Variants in DNAH2 observed in about 807,000 individuals in gnomAD.
DNAH2 encodes the protein axonemal beta dynein heavy chain 2.
DNAH2 carries 323 observed loss-of-function variants against 523.5 expected under a neutral mutation model. The observed-to-expected ratio is 0.62, with a 90% CI of 0.56 to 0.68. The LOEUF (loss-of-function observed/expected upper bound fraction) is 0.68, where lower values mean the gene tolerates loss of function less well. Ranked by LOEUF, DNAH2 falls within the 30% of genes least tolerant of loss-of-function variation. The pLI is 0.00. For missense variants in DNAH2, 4,907 were observed against 5,701.5 expected (o/e 0.86, Z 4.49); for synonymous variants, 2,093 against 2,177.4 (o/e 0.96, Z 1.08).
chr17:7,827,951 T>C (rs1433252632), intron 77 of DNAH2, among the ~76,000 whole-genome samples: 1 of 151,992 alleles, frequency 6.6e-6, no homozygotes, highest in Non-Finnish European at 1.5e-5. Context: ...GTTTGTTTGT[T>C]TGGGATGGAG....
chr17:7,816,844 T>C lies in DNAH2; in HGVS notation c.9894+109T>C, dbSNP rs1485516202. The C allele has an allele frequency of 2.9e-6, 4 of 1,390,156 alleles. No homozygotes were observed. The Admixed American group carries it at 9.8e-5, about 34-fold the overall frequency. The allele number at this position is 1,390,156 out of a possible 1,614,324, so 86.1% of individuals were successfully genotyped here. A position where few individuals can be genotyped will look rare whatever the true frequency, so the allele number is the denominator to read the frequency against. ...CAGGGAAAACGGGGACACCTGGGTA[T>C]AGGGAACTCTAAGAACTGAGGCGTG... On this transcript the variant is annotated intron_variant, in intron 64 of 85. Coordinates refer to ENST00000572933, the MANE Select transcript of DNAH2 (RefSeq NM_020877.5).
chr17:7,792,469 T>G, intron 46 of DNAH2, 126 bp downstream of exon 46: 1 of 1,120,202 alleles, frequency 8.9e-7, no homozygotes, highest in South Asian at 1.3e-5. Context: ...AGAGAAGGGC[T>G]GCCTCTTGAG....
At chr17:7,735,843 C>T (rs2075127035) in intron 7 of DNAH2, among the ~76,000 whole-genome samples, 1 of 152,082 alleles carries the variant, frequency 6.6e-6, no homozygotes, top group Admixed American at 6.6e-5. Context: ...ACCTCTGCCT[C>T]CTGGGTTCAA....
Position 7,796,604 on chromosome 17 carries a change from C to T in DNAH2, c.7815C>T (p.Pro2605=). 6.2e-7 allele frequency: 1 copy of T among 1,613,160 alleles called. No homozygotes were observed. The highest frequency in any genetic ancestry group is 1.1e-5 in the South Asian group (1 of 91,016). The change falls in exon 50 of 86, where the codon CCC becomes CCT. Residue 2605 remains proline (P), a synonymous_variant. Transcript: ENST00000572933. ...ACACCGTGGTACAGCGCTTCCTGCC[C>T]ACGCCCACCAAGATGCATTACCTCT... ...MYNTVVQRFL[P]TPTKMHYLFN... is the part of the protein sequence containing the mutation.
Position 7,760,480 on chromosome 17 carries a change from A to T in DNAH2, c.2786-260A>T, listed in dbSNP as rs1308200079. Reference sequence around the variant, plus strand: ...GATTTGGGATGGGAGATGAGGAAAGACAAGCTTGGGACTGGGACTGGGACT... The same window carrying T: ...GATTTGGGATGGGAGATGAGGAAAGTCAAGCTTGGGACTGGGACTGGGACT... On this transcript the variant is annotated intron_variant, in intron 17 of 85. Coordinates refer to ENST00000572933, the MANE Select transcript of DNAH2 (RefSeq NM_020877.5). The surrounding 1 kb of genome is among the most constrained non-coding windows in gnomAD (Gnocchi z 4.0). Among the ~76,000 whole-genome samples, 2 of 152,108 alleles carry T rather than the reference A, an allele frequency of 1.3e-5. No homozygotes were observed. The highest frequency in any genetic ancestry group is 2.9e-5 in the Non-Finnish European group (2 of 68,024).
chr17:7,771,547 A>C, intron 28 of DNAH2, 79 bp downstream of exon 28: 2 of 1,500,032 alleles, frequency 1.3e-6, no homozygotes, highest in South Asian at 2.4e-5. Flanking sequence ...TTCATTTATT[A>C]AAAAGACTGA....
Position 7,828,026 on chromosome 17 carries a change from C to T in DNAH2, c.11854-2274C>T, listed in dbSNP as rs1214494973. On this transcript the variant is annotated intron_variant, in intron 77 of 85. Transcript: ENST00000572933. The surrounding 1 kb of genome is among the most constrained non-coding windows in gnomAD (Gnocchi z 4.1). ...CTTGGCTCACTGCAACCTCTGCCTCCCAGGCTCTAGCAATCTTTCCACCTG... is the reference window on the plus strand; with the variant it reads ...CTTGGCTCACTGCAACCTCTGCCTCTCAGGCTCTAGCAATCTTTCCACCTG... Among the ~76,000 whole-genome samples, 1 of 152,058 alleles carries T rather than the reference C, an allele frequency of 6.6e-6. No homozygotes were observed. The highest frequency in any genetic ancestry group is 1.9e-4 in the East Asian group (1 of 5,190).
rs1262113029 is a variant in DNAH2 at position 7,821,503 on chromosome 17, A to T, written c.11142+134A>T. The T allele has an allele frequency of 9.3e-6, 12 of 1,289,466 alleles. No individual in the cohort carries two copies. The highest frequency in any genetic ancestry group is 1.1e-5 in the Non-Finnish European group (11 of 961,438). The allele number at this position is 1,289,466 out of a possible 1,614,324, so 79.9% of individuals were successfully genotyped here. A position where few individuals can be genotyped will look rare whatever the true frequency, so the allele number is the denominator to read the frequency against. ...GTGAGCTGAGAAAATCCAGGCCAGC[A>T]TCAGGTGCATGGTGAGCTCCCTGGG... On this transcript the variant is annotated intron_variant, in intron 73 of 85. Transcript: ENST00000572933. The surrounding 1 kb of genome is among the most constrained non-coding windows in gnomAD (Gnocchi z 5.0).
At chr17:7,740,363 T>C (rs2075274461) in intron 9 of DNAH2, 57 bp from the exon 10 acceptor site, 1 of 1,602,652 alleles carries the variant, frequency 6.2e-7, no homozygotes, top group Non-Finnish European at 8.5e-7. Context: ...TCCTCAGGGG[T>C]TGGAGTTGGG....
rs924371389 is a variant in DNAH2 at position 7,807,874 on chromosome 17, G to T, written c.9729+288G>T. ...ATCTCTGTCACACCCTTCGGAGATG[G>T]CGCCTGAGATATTAACTGATGACAT... On this transcript the variant is annotated intron_variant, in intron 63 of 85. Transcript: ENST00000572933. This position sits in a 1 kb window ranked among gnomAD's most constrained non-coding sequence, Gnocchi z 5.6. Among the ~76,000 whole-genome samples the T allele has an allele frequency of 1.6e-4, 24 of 152,214 alleles. No individual in the cohort carries two copies. The highest frequency in any genetic ancestry group is 5.1e-4 in the African/African-American group (21 of 41,442).
chr17:7,817,492 T>C lies in DNAH2; in HGVS notation c.10021-69T>C. 3 of 1,613,440 alleles carry C rather than the reference T, an allele frequency of 1.9e-6. No homozygotes were observed. In the Admixed American group the frequency reaches 5.0e-5, roughly 27 times the overall value. On this transcript the variant is annotated intron_variant, in intron 65 of 85. Transcript: ENST00000572933. ...CAGGACCTTTGGGAATATTAAGAGA[T>C]ACCGTGAAGGCGCGGGGGCTGCTGG... is the stretch of plus-strand genomic sequence containing the variant.
At chr17:7,777,676 G>T (rs1216382782) in intron 33 of DNAH2, 42 bp downstream of exon 33, 1 of 1,608,032 alleles carries the variant, frequency 6.2e-7, no homozygotes, top group Admixed American at 1.7e-5. Flanking sequence ...CCGTAAAATG[G>T]ATCCTAATGC....
chr17:7,815,507 C>T (rs950659933), intron 63 of DNAH2, among the ~76,000 whole-genome samples: 5 of 152,114 alleles, frequency 3.3e-5, no homozygotes, highest in African/African-American at 1.2e-4. Context: ...GGATCACACA[C>T]ACATATACAG....
In DNAH2 at chr17:7,794,431, G is replaced by A; in HGVS notation, c.7674+73G>A. 9 of 1,392,976 alleles carry A rather than the reference G, an allele frequency of 6.5e-6. 1 individual carries two copies. The South Asian group carries it at 8.0e-5, about 12-fold the overall frequency. 86.3% of individuals were successfully genotyped at this position (1,392,976 alleles called of 1,614,324 possible). A position where few individuals can be genotyped will look rare whatever the true frequency, so the allele number is the denominator to read the frequency against. Reference sequence around the variant, plus strand: ...AACGTGTCTGTCTCAGAGAAGCAGGGGCCAGATCCCAGGGGGCTGCGGCAC... The same window carrying A: ...AACGTGTCTGTCTCAGAGAAGCAGGAGCCAGATCCCAGGGGGCTGCGGCAC... On this transcript the variant is annotated intron_variant, in intron 49 of 85. Transcript: ENST00000572933.
In DNAH2 at chr17:7,833,425, C is replaced by A; in HGVS notation, c.13176C>A (p.Ser4392Arg). 1 of 1,614,192 alleles carries A rather than the reference C, an allele frequency of 6.2e-7. No individual in the cohort carries two copies. Among genetic ancestry groups the A allele is most frequent in the Non-Finnish European group, 8.5e-7 (1 of 1,180,038 alleles). The change falls in exon 86 of 86, where the codon AGC becomes AGA. Residue 4392 changes from serine (S) to arginine (R), a missense_variant. Physicochemically the swap from Ser to Arg is moderately radical, Grantham distance 110. Coordinates refer to ENST00000572933, the MANE Select transcript of DNAH2 (RefSeq NM_020877.5). ...ATTACTATCCCAACCGGGCAGGCAG[C>A]TCAGACCGAGCCTCCTTTGTCATCG... Reference protein sequence around the residue: ...PCYYYPNRAGSSDRASFVIGI... With the variant: ...PCYYYPNRAGRSDRASFVIGI...
intron 49 of DNAH2, 32 bp from the exon 50 acceptor site, chr17:7,796,432 G>A: frequency 1.2e-6 from 2 of 1,609,370 alleles, no homozygotes; most frequent in Middle Eastern, 1.7e-4. Flanking sequence ...AAGGCCAGCA[G>A]CCCTGGAGAG....
At chr17:7,822,156 AGGCGGG>A (rs1296672177) in intron 73 of DNAH2, among the ~76,000 whole-genome samples, 1 of 152,154 alleles carries the variant, frequency 6.6e-6, no homozygotes, top group Non-Finnish European at 1.5e-5. Context: ...TTTTTTGTAG[AGGCGGG>A]GTCCCACCAT....
In DNAH2 at chr17:7,778,133, G is replaced by A; in HGVS notation, c.5304G>A (p.Glu1768=). 1 of 1,614,192 alleles carries A rather than the reference G, an allele frequency of 6.2e-7. No homozygotes were observed. The highest frequency in any genetic ancestry group is 8.5e-7 in the Non-Finnish European group (1 of 1,180,046). Residue 1768 remains glutamate (E), a synonymous_variant, in exon 34 of 86, where the codon GAG becomes GAA. Coordinates refer to ENST00000572933, the MANE Select transcript of DNAH2 (RefSeq NM_020877.5). The part of the protein sequence containing the change: ...QTNTQFQYNY[E]YLGNSGRLVI... Reference sequence around the variant, plus strand: ...ACACGCAATTTCAGTATAATTATGAGTACTTGGGTAACTCGGGCCGGCTCG... The same window carrying A: ...ACACGCAATTTCAGTATAATTATGAATACTTGGGTAACTCGGGCCGGCTCG...
At position 7,828,602 on chromosome 17, in the gene DNAH2, TTTTTTTA is replaced by T. The variant is rs555482528; in HGVS notation, c.11854-1683_11854-1677del. On this transcript the variant is annotated intron_variant, in intron 77 of 85. Coordinates refer to ENST00000572933, the MANE Select transcript of DNAH2 (RefSeq NM_020877.5). The surrounding 1 kb of genome is among the most constrained non-coding windows in gnomAD (Gnocchi z 4.1). Reference sequence around the variant, plus strand: ...ATTTTAATAAAATTCTGTAATGTTCTTTTTTTATTTTTTATTTTTTAAATAGAGACAG... The same window carrying T: ...ATTTTAATAAAATTCTGTAATGTTCTTTTTTTATTTTTTAAATAGAGACAG... Among the ~76,000 whole-genome samples, 754 of 151,522 alleles carry T rather than the reference TTTTTTTA, an allele frequency of 5.0e-3. 5 individuals carry two copies. Among genetic ancestry groups the T allele is most frequent in the Non-Finnish European group, 8.4e-3 (573 of 68,008 alleles).
Sources: gnomAD v4.1 joint callset for allele counts (sites outside exome capture counted in the v4.1 genomes callset) on GRCh38, gnomAD v4.1.1 for gene constraint, Gnocchi (gnomAD v3.1) non-coding constraint, MANE v1.5 for transcripts, NCBI Gene and HGNC (gene_info 2026-07-23, HGNC 2026-07-21) for gene names.